SRPK2: variants seen among roughly 807,000 people sequenced by gnomAD.
SRPK2 encodes SFRS protein kinase 2.
A neutral mutation model predicts 90.8 loss-of-function variants in SRPK2; 21 were observed. That is an observed-to-expected ratio of 0.23 (90% CI 0.16 to 0.33). The LOEUF (loss-of-function observed/expected upper bound fraction) is 0.33, where lower values mean the gene tolerates loss of function less well. Ranked by LOEUF, SRPK2 falls within the 10% of genes least tolerant of loss-of-function variation. The pLI is 1.00. For missense variants in SRPK2, 620 were observed against 869.0 expected (o/e 0.71, Z 3.60); for synonymous variants, 288 against 311.1 (o/e 0.93, Z 0.78).
chr7:105,202,004 C>A (rs1476099543), intron 3 of SRPK2, among the ~76,000 whole-genome samples: 1 of 152,078 alleles, frequency 6.6e-6, no homozygotes, highest in African/African-American at 2.4e-5. Context: ...ATGGAAAACA[C>A]CTTCTTGTCA....
At chr7:105,180,044 C>G (rs550194660) in intron 3 of SRPK2, among the ~76,000 whole-genome samples, 20 of 152,238 alleles carry the variant, frequency 1.3e-4, no homozygotes, top group African/African-American at 4.1e-4. Flanking sequence ...TCCTATCAAA[C>G]TATAAATGGC....
At chr7:105,389,283 C>G (rs889190465), upstream of SRPK2, 7 of 1,277,702 alleles carry the variant, frequency 5.5e-6, no homozygotes, top group Admixed American at 2.4e-5. Flanking sequence ...TGCGCCCGTC[C>G]TTGGCCGGCG....
In SRPK2 at chr7:105,125,951, C is replaced by T. The variant is rs1341899608; in HGVS notation, c.1915+297G>A. 2.2e-5 allele frequency: 17 copies of T among 762,610 alleles called. No homozygotes were observed. In the East Asian group the frequency reaches 2.6e-4, roughly 12 times the overall value. The allele number at this position is 762,610 out of a possible 1,614,324, so 47.2% of individuals were successfully genotyped here. A position where few individuals can be genotyped will look rare whatever the true frequency, so the allele number is the denominator to read the frequency against. On this transcript the variant is annotated intron_variant, in intron 15 of 15. Transcript: ENST00000393651. ...GTACACTGCATGCAGACACTACCAC[C>T]GCCCGCGCAGACAGAAACAGAGCGC... is the stretch of plus-strand genomic sequence containing the variant.
intron 2 of SRPK2, among the ~76,000 whole-genome samples, chr7:105,323,141 G>C (rs1187014565): frequency 6.6e-6 from 1 of 152,064 alleles, no homozygotes; most frequent in Non-Finnish European, 1.5e-5. Flanking sequence ...AATGAGCCAA[G>C]ATGGCGCCAC....
chr7:105,281,158 G>A (rs1002807034), intron 2 of SRPK2, among the ~76,000 whole-genome samples: 16 of 151,088 alleles, frequency 1.1e-4, no homozygotes, highest in South Asian at 2.1e-4. Context: ...GTATAGTAGC[G>A]CGATCTCAGC....
chr7:105,393,673 T>C (rs928155558), upstream of SRPK2, among the ~76,000 whole-genome samples: 6 of 151,960 alleles, frequency 3.9e-5, no homozygotes, highest in African/African-American at 1.4e-4. Context: ...TATTGAGATA[T>C]AACACATACA....
intron 15 of SRPK2, among the ~76,000 whole-genome samples, chr7:105,123,996 C>T (rs1440379185): frequency 6.6e-6 from 1 of 152,244 alleles, no homozygotes; most frequent in Non-Finnish European, 1.5e-5. Context: ...AACTCGATCA[C>T]GTAAGTCCTA....
At chr7:105,207,578 G>A (rs575660545) in intron 2 of SRPK2, among the ~76,000 whole-genome samples, 2 of 152,050 alleles carry the variant, frequency 1.3e-5, no homozygotes, top group Non-Finnish European at 2.9e-5. Flanking sequence ...TAATTAAATG[G>A]TAAAAGAATA....
At chr7:105,388,260 G>T (rs377154706) in intron 2 of SRPK2, among the ~76,000 whole-genome samples, 1 of 151,790 alleles carries the variant, frequency 6.6e-6, no homozygotes, top group Non-Finnish European at 1.5e-5. Flanking sequence ...TCCCGCAGCG[G>T]GCGGGCCGGA....
intron 2 of SRPK2, among the ~76,000 whole-genome samples, chr7:105,210,823 A>G (rs1585190649): frequency 6.6e-6 from 1 of 152,348 alleles, no homozygotes; most frequent in South Asian, 2.1e-4. Flanking sequence ...CTGGAAAAAA[A>G]GCAGACATCA....
chr7:105,309,152 A>G (rs1012887278), intron 2 of SRPK2, among the ~76,000 whole-genome samples: 1 of 152,158 alleles, frequency 6.6e-6, no homozygotes, highest in Non-Finnish European at 1.5e-5. Context: ...TCCAAACATA[A>G]GCAACAAAAC....
intron 2 of SRPK2, among the ~76,000 whole-genome samples, chr7:105,335,443 T>A (rs1430834473): frequency 6.6e-6 from 1 of 151,930 alleles, no homozygotes; most frequent in Non-Finnish European, 1.5e-5. Flanking sequence ...GAGAACTGGA[T>A]GAGCCTAGGA....
intron 2 of SRPK2, among the ~76,000 whole-genome samples, chr7:105,240,131 C>T (rs1211347867): frequency 1.3e-5 from 2 of 152,070 alleles, no homozygotes; most frequent in African/African-American, 2.4e-5. Context: ...ATCAATGTGC[C>T]GACAGACTGA....
chr7:105,343,270 C>CA (rs1303429482), intron 2 of SRPK2, among the ~76,000 whole-genome samples: 10 of 151,922 alleles, frequency 6.6e-5, no homozygotes. Flanking sequence ...CCCATCTTTA[C>CA]AAAAAATACA....
intron 3 of SRPK2, among the ~76,000 whole-genome samples, chr7:105,184,080 A>G (rs1158240910): frequency 7.0e-6 from 1 of 142,394 alleles, no homozygotes; most frequent in Non-Finnish European, 1.5e-5. Context: ...GGTTCAAGCC[A>G]TTCTCCTGCC....
At chr7:105,348,296 C>T (rs528034471) in intron 2 of SRPK2, among the ~76,000 whole-genome samples, 2 of 151,986 alleles carry the variant, frequency 1.3e-5, no homozygotes, top group South Asian at 4.2e-4. Context: ...GTCTGGAACT[C>T]CTGACATCAG....
At chr7:105,354,664 T>A (rs1817584042) in intron 2 of SRPK2, among the ~76,000 whole-genome samples, 1 of 152,172 alleles carries the variant, frequency 6.6e-6, no homozygotes, top group Non-Finnish European at 1.5e-5. Flanking sequence ...GGTCTCTACC[T>A]GCTGGCTGGG....
At chr7:105,290,236 T>C (rs909026895) in intron 2 of SRPK2, among the ~76,000 whole-genome samples, 4 of 145,670 alleles carry the variant, frequency 2.7e-5, no homozygotes, top group Admixed American at 6.8e-5. Flanking sequence ...ATTTGCAAGA[T>C]GTAGTTGTCA....
chr7:105,338,683 TA>T (rs1815404913), intron 2 of SRPK2, among the ~76,000 whole-genome samples: 1 of 152,232 alleles, frequency 6.6e-6, no homozygotes, highest in Admixed American at 6.5e-5. Flanking sequence ...TAAATTTTCT[TA>T]ATTATGAAAG....
Sources: gnomAD v4.1 joint callset for allele counts (sites outside exome capture counted in the v4.1 genomes callset) on GRCh38, gnomAD v4.1.1 for gene constraint, MANE v1.5 for transcripts, NCBI Gene and HGNC (gene_info 2026-07-23, HGNC 2026-07-21) for gene names.